SYT9: variants seen among roughly 807,000 people sequenced by gnomAD.
SYT9 encodes synaptotagmin-9.
In SYT9, 22 loss-of-function variants were observed where a neutral mutation model predicts 48.4. The observed-to-expected ratio is 0.45, with a 90% CI of 0.32 to 0.65. SYT9 has a LOEUF of 0.65. Among genes scored for constraint, SYT9 ranks in the 30% least tolerant of loss-of-function variants. The probability of loss-of-function intolerance (pLI) is 0.03; values close to 1 mark genes in which losing one functional copy is unlikely to be tolerated. For synonymous variants in SYT9, 265 were observed against 245.0 expected, an observed-to-expected ratio of 1.08 and a Z score of -0.76; for missense variants, 577 against 622.0, an observed-to-expected ratio of 0.93 and a Z score of 0.77.
chr11:7,468,522 C>T lies in SYT9; in HGVS notation c.*1722C>T, dbSNP rs1378261621. ...TGCTCATCCCTCCTCATTCAGACAT[C>T]CTCCACCATACCAGTGTTTAGAAGC... is the stretch of plus-strand genomic sequence containing the variant. On this transcript the variant is annotated 3_prime_UTR_variant, in exon 7 of 7. Transcript: ENST00000318881. The T allele has an allele frequency of 2.6e-6, 1 of 391,826 alleles. No homozygotes were observed. Among genetic ancestry groups the T allele is most frequent in the Non-Finnish European group, 4.5e-6 (1 of 222,140 alleles). The allele number at this position is 391,826 out of a possible 1,614,324, so 24.3% of individuals were successfully genotyped here.
intron 3 of SYT9, among the ~76,000 whole-genome samples, chr11:7,407,866 A>G (rs1424071967): frequency 2.0e-5 from 3 of 152,112 alleles, no homozygotes; most frequent in Non-Finnish European, 4.4e-5. Context: ...TGTACTATCT[A>G]TCCTGTTCCA....
chr11:7,349,951 A>G (rs1849879952), intron 3 of SYT9, among the ~76,000 whole-genome samples: 1 of 152,230 alleles, frequency 6.6e-6, no homozygotes, highest in African/African-American at 2.4e-5. Context: ...AGTTTGTATC[A>G]TGATTTGAAT....
intron 3 of SYT9, among the ~76,000 whole-genome samples, chr11:7,325,489 T>A (rs1362001912): frequency 1.0e-5 from 1 of 97,440 alleles, no homozygotes; most frequent in African/African-American, 4.5e-5. Context: ...CTGAAGTTGC[T>A]TATCAGCTTA....
At chr11:7,432,345 G>C (rs571805658) in intron 6 of SYT9, among the ~76,000 whole-genome samples, 9 of 151,822 alleles carry the variant, frequency 5.9e-5, no homozygotes, top group African/African-American at 2.2e-4. Context: ...TCAGGAGTTC[G>C]AGACCAGCCT....
intron 3 of SYT9, among the ~76,000 whole-genome samples, chr11:7,362,795 A>G (rs1019217702): frequency 2.0e-5 from 3 of 152,104 alleles, no homozygotes; most frequent in African/African-American, 4.8e-5. Flanking sequence ...TTAAAATCCA[A>G]TCAGTTTCAT....
In SYT9 at chr11:7,309,115, C is replaced by G. The variant is rs146959571; in HGVS notation, c.498-4280C>G. Among the ~76,000 whole-genome samples the G allele has an allele frequency of 1.9e-3, 291 of 152,328 alleles. 2 individuals are homozygous for G. Among genetic ancestry groups the G allele is most frequent in the African/African-American group, 6.6e-3 (274 of 41,564 alleles). On this transcript the variant is annotated intron_variant, in intron 2 of 6. Coordinates refer to ENST00000318881, the MANE Select transcript of SYT9 (RefSeq NM_175733.4). ...GCTTTCCACAGGTTCAACTGCTATT[C>G]TTCCCACTTAGGTCTGGGGTAGCCA...
At chr11:7,307,478 A>G (rs953432892) in intron 2 of SYT9, among the ~76,000 whole-genome samples, 1 of 152,236 alleles carries the variant, frequency 6.6e-6, no homozygotes, top group Non-Finnish European at 1.5e-5. Context: ...GGATTAAATT[A>G]TCAGAAACTA....
intron 3 of SYT9, among the ~76,000 whole-genome samples, chr11:7,406,168 G>A (rs966508805): frequency 1.3e-5 from 2 of 152,040 alleles, no homozygotes; most frequent in Non-Finnish European, 2.9e-5. Flanking sequence ...CTATGTGTTG[G>A]TAACATTTCA....
At chr11:7,420,248 C>A (rs1847325320) in intron 5 of SYT9, among the ~76,000 whole-genome samples, 1 of 152,160 alleles carries the variant, frequency 6.6e-6, no homozygotes, top group African/African-American at 2.4e-5. Flanking sequence ...ATCCTTAGCA[C>A]AAATCGTGGG....
At position 7,420,630 on chromosome 11, in the gene SYT9, G is replaced by C. The variant is rs796805386; in HGVS notation, c.1462G>C (p.Val488Leu). ...RKPIAHWHSL[V>L]EKR ...GCCCATTGCACACTGGCATTCCCTG[G>C]TGGAGGTAAGACCCTAATCCACATG... is the stretch of plus-strand genomic sequence containing the variant. The change falls in exon 6 of 7, where the codon GTG (valine) becomes CTG (leucine). Residue 488 changes from valine to leucine, a missense_variant. By Grantham distance (32) the Val-to-Leu change is conservative (BLOSUM62 1). Transcript: ENST00000318881. 1.4e-5 allele frequency: 22 copies of C among 1,614,148 alleles called. No homozygotes were observed. The African/African-American group carries it at 2.4e-4, about 18-fold the overall frequency.
intron 3 of SYT9, among the ~76,000 whole-genome samples, chr11:7,328,100 T>TAATAA (rs376978426): frequency 5.0e-5 from 4 of 80,498 alleles, no homozygotes; most frequent in African/African-American, 1.9e-4. Context: ...ATAATAATAA[T>TAATAA]TTTAAAAAAA....
intron 6 of SYT9, chr11:7,438,957 G>A (rs1366154836): frequency 1.3e-5 from 2 of 152,224 alleles, no homozygotes; most frequent in African/African-American, 2.4e-5. Context: ...AAATCCAGCT[G>A]TGGGCAGTCT....
At chr11:7,395,161 A>C (rs549545793) in intron 3 of SYT9, among the ~76,000 whole-genome samples, 12 of 152,162 alleles carry the variant, frequency 7.9e-5, no homozygotes, top group African/African-American at 2.9e-4. Flanking sequence ...CTTATCCCTC[A>C]CCCACCTCCC....
intron 5 of SYT9, among the ~76,000 whole-genome samples, chr11:7,418,491 C>T (rs2134101011): frequency 6.6e-6 from 1 of 152,340 alleles, no homozygotes; most frequent in East Asian, 1.9e-4. Context: ...GCTAACTGCC[C>T]TTCATTGGAA....
intron 6 of SYT9, among the ~76,000 whole-genome samples, chr11:7,448,528 G>T (rs1375487956): frequency 3.3e-4 from 50 of 152,334 alleles, no homozygotes; most frequent in Admixed American, 3.1e-3. Context: ...TGCCGCTTTA[G>T]CAAGATGACT....
chr11:7,326,452 T>C (rs1849436839), intron 3 of SYT9, among the ~76,000 whole-genome samples: 1 of 137,890 alleles, frequency 7.3e-6, no homozygotes, highest in Admixed American at 7.5e-5. Context: ...GTGGGATCGG[T>C]GGTGATATCC....
intron 1 of SYT9, among the ~76,000 whole-genome samples, chr11:7,257,580 T>C (rs1303166175): frequency 1.3e-5 from 2 of 152,166 alleles, no homozygotes; most frequent in Non-Finnish European, 2.9e-5. Flanking sequence ...ATATTAGCCT[T>C]GATTCAAATT....
chr11:7,249,556 C>T (rs1357500025), upstream of SYT9, among the ~76,000 whole-genome samples: 3 of 152,190 alleles, frequency 2.0e-5, no homozygotes, highest in Non-Finnish European at 4.4e-5. Flanking sequence ...GGAAATATAG[C>T]ATCAACCACT....
At chr11:7,239,662 G>C (rs1823184511) in intron 1 of SYT9, among the ~76,000 whole-genome samples, 1 of 152,164 alleles carries the variant, frequency 6.6e-6, no homozygotes, top group Non-Finnish European at 1.5e-5. Flanking sequence ...AGTTATTACA[G>C]GGTCCAGGCA....
Sources: gnomAD v4.1 joint callset for allele counts (sites outside exome capture counted in the v4.1 genomes callset) on GRCh38, gnomAD v4.1.1 for gene constraint, MANE v1.5 for transcripts, NCBI Gene and HGNC (gene_info 2026-07-23, HGNC 2026-07-21) for gene names.